The following RAD51AP1 variants were observed in gnomAD, a reference collection of about 807,000 sequenced individuals.
RAD51AP1 encodes the protein RAD51 associated protein 1.
A neutral mutation model predicts 34.3 loss-of-function variants in RAD51AP1; 14 were observed. That is an observed-to-expected ratio of 0.41 (90% CI 0.27 to 0.64). The LOEUF (loss-of-function observed/expected upper bound fraction) is 0.64. Among genes scored for constraint, RAD51AP1 ranks in the 30% least tolerant of loss-of-function variants. The pLI, the probability that RAD51AP1 is intolerant of heterozygous loss-of-function variation, is 0.33. For synonymous variants in RAD51AP1, 114 were observed against 129.8 expected (o/e 0.88, Z 0.83); for missense variants, 348 against 386.9 (o/e 0.90, Z 0.84).
Position 4,548,693 on chromosome 12 carries a change from A to G in RAD51AP1, c.413A>G (p.Asp138Gly). ...TTTTATGCCTCTCCTGAAGATTTGG[A>G]TAAGATTACTGTGGAAGATGATGTT... ...CSVASDYLDL[D>G]KITVEDDVGG... The change falls in exon 6 of 9, where the codon GAT becomes GGT. Residue 138 changes from aspartate to glycine, a missense_variant. Transcript: ENST00000352618. 6.2e-7 allele frequency: 1 copy of G among 1,611,998 alleles called. No homozygotes were observed. The highest frequency in any genetic ancestry group is 8.5e-7 in the Non-Finnish European group (1 of 1,179,430).
Position 4,539,019 on chromosome 12 carries a change from A to C in RAD51AP1, c.17+63A>C, listed in dbSNP as rs374798800. 54 of 1,570,204 alleles carry C rather than the reference A, an allele frequency of 3.4e-5. 1 individual carries two copies. The South Asian group carries it at 6.0e-4, about 17-fold the overall frequency. On this transcript the variant is annotated intron_variant, in intron 1 of 8. Transcript: ENST00000352618. Reference sequence around the variant, plus strand: ...AACTAAGGGAAAAGACATGAGACTAAGGGGAAAGGATCGAGTAAGACCGGA... The same window carrying C: ...AACTAAGGGAAAAGACATGAGACTACGGGGAAAGGATCGAGTAAGACCGGA...
chr12:4,541,790 A>G (rs1356502616), intron 1 of RAD51AP1, 94 bp from the exon 2 acceptor site: 4 of 410,416 alleles, frequency 9.7e-6, no homozygotes, highest in Non-Finnish European at 1.2e-5. Context: ...AATGAATAAT[A>G]TTAAATAAAT....
At position 4,546,308 on chromosome 12, in the gene RAD51AP1, G is replaced by A; in HGVS notation, c.210-1G>A. The A allele has an allele frequency of 6.3e-7, 1 of 1,588,964 alleles. No homozygotes were observed. The highest frequency in any genetic ancestry group is 1.1e-5 in the South Asian group (1 of 88,554). ...CATTATTACTTGTGTATCTATTTTA[G>A]GATGGCTTTAGATGACAAGCTCTAC... On this transcript the variant is annotated splice_acceptor_variant, in intron 3 of 8. Transcript: ENST00000352618. LOFTEE classifies it high-confidence loss of function.
At chr12:4,554,796 T>C (rs1214637504) in intron 7 of RAD51AP1, among the ~76,000 whole-genome samples, 3 of 152,240 alleles carry the variant, frequency 2.0e-5, no homozygotes, top group African/African-American at 2.4e-5. Context: ...CTAGCACATG[T>C]TATAATTTTC....
chr12:4,548,604 G>A (rs1591772621), intron 5 of RAD51AP1, 83 bp from the exon 6 acceptor site: 3 of 1,449,780 alleles, frequency 2.1e-6, no homozygotes, highest in East Asian at 2.3e-5. Context: ...AAAAACAATA[G>A]CTGTAATAGA....
chr12:4,546,931 A>C (rs562475645), intron 4 of RAD51AP1, among the ~76,000 whole-genome samples: 1 of 152,352 alleles, frequency 6.6e-6, no homozygotes, highest in East Asian at 1.9e-4. Flanking sequence ...AGAAATCATT[A>C]TTCCTGAAAA....
intron 2 of RAD51AP1, among the ~76,000 whole-genome samples, chr12:4,542,207 A>ATGTTGT (rs1944472332): frequency 1.3e-5 from 2 of 152,220 alleles, no homozygotes; most frequent in African/African-American, 4.8e-5. Context: ...TTTGTCTCCT[A>ATGTTGT]TTCCATCCCT....
In RAD51AP1 at chr12:4,541,943, G is replaced by T. The variant is rs199522662; in HGVS notation, c.67+10G>T. The T allele has an allele frequency of 2.5e-5, 37 of 1,499,348 alleles. No individual in the cohort carries two copies. The highest frequency in any genetic ancestry group is 1.4e-4 in the Admixed American group (7 of 50,010). The allele number at this position is 1,499,348 out of a possible 1,614,324, so 92.9% of individuals were successfully genotyped here. ...CACTCTGACAGTGATGGTAAGTAAA[G>T]CTTCTTATTTTTGTTCTAAAGATTT... On this transcript the variant is annotated intron_variant, in intron 2 of 8. Coordinates refer to ENST00000352618, the MANE Select transcript of RAD51AP1 (RefSeq NM_006479.5).
intron 4 of RAD51AP1, among the ~76,000 whole-genome samples, chr12:4,546,800 C>A (rs1010872342): frequency 3.3e-5 from 5 of 152,070 alleles, no homozygotes; most frequent in Non-Finnish European, 7.4e-5. Context: ...TTATTACTTA[C>A]AAAGGTCAAA....
At position 4,553,114 on chromosome 12, in the gene RAD51AP1, G is replaced by C; in HGVS notation, c.688G>C (p.Glu230Gln). Residue 230 changes from glutamate (E) to glutamine (Q), a missense_variant, in exon 7 of 9, where the codon GAG becomes CAG. Transcript: ENST00000352618. ...GGTAAAATCCCCAGTAGAAAAGAAA[G>C]AGAAGAAATCTAAATCCAAATGTAA... ...VKVKSPVEKK[E>Q]KKSKSKCNAL... is the part of the protein sequence containing the mutation. 6.3e-7 allele frequency: 1 copy of C among 1,593,842 alleles called. No individual in the cohort carries two copies. Among genetic ancestry groups the C allele is most frequent in the Non-Finnish European group, 8.5e-7 (1 of 1,173,200 alleles).
chr12:4,553,347 T>C (rs927823673), intron 7 of RAD51AP1, 200 bp downstream of exon 7: 3 of 370,748 alleles, frequency 8.1e-6, no homozygotes. Context: ...TAGCACTTAC[T>C]GTATATGACC....
In RAD51AP1 at chr12:4,538,898, C is replaced by G. The variant is rs765065384; in HGVS notation, c.-42C>G. 2 of 1,611,514 alleles carry G rather than the reference C, an allele frequency of 1.2e-6. No homozygotes were observed. Among genetic ancestry groups the G allele is most frequent in the Admixed American group, 3.3e-5 (2 of 59,956 alleles). ...GAATTGAAACCGCCGCTGAAGCCAACAAGAATTTGAGAACTGTAAATACCA... is the reference window on the plus strand; with the variant it reads ...GAATTGAAACCGCCGCTGAAGCCAAGAAGAATTTGAGAACTGTAAATACCA... On this transcript the variant is annotated 5_prime_UTR_variant, in exon 1 of 9. Transcript: ENST00000352618.
intron 5 of RAD51AP1, 102 bp downstream of exon 5, chr12:4,548,280 G>T: frequency 6.9e-7 from 1 of 1,451,302 alleles, no homozygotes; most frequent in Non-Finnish European, 9.3e-7. Context: ...CTTTAAATTT[G>T]TCAAGACTCT....
At chr12:4,547,353 C>G (rs1446898269) in intron 4 of RAD51AP1, among the ~76,000 whole-genome samples, 1 of 152,184 alleles carries the variant, frequency 6.6e-6, no homozygotes, top group Non-Finnish European at 1.5e-5. Context: ...CGAGAGCCAC[C>G]TTATCTGGCT....
At chr12:4,544,528 C>T (rs762542220) in intron 3 of RAD51AP1, among the ~76,000 whole-genome samples, 1 of 152,164 alleles carries the variant, frequency 6.6e-6, no homozygotes, top group South Asian at 2.1e-4. Context: ...CCACAAGTTT[C>T]TCTATGAAAA....
In RAD51AP1 at chr12:4,546,423, CTT is replaced by C. The variant is rs756537444; in HGVS notation, c.319+7_319+8del. ...TGCAGAACTCTCAAGATAAAAGTAA[CTT>C]TATTTTCTGTATATTTAGCTTTAAA... On this transcript the variant is annotated splice_donor_region_variant and intron_variant, in intron 4 of 8. Coordinates refer to ENST00000352618, the MANE Select transcript of RAD51AP1 (RefSeq NM_006479.5). 7.0e-6 allele frequency: 11 copies of C among 1,575,558 alleles called. No individual in the cohort carries two copies. The highest frequency in any genetic ancestry group is 1.7e-5 in the Admixed American group (1 of 58,238).
chr12:4,545,977 G>A, intron 3 of RAD51AP1: 1 of 993,548 alleles, frequency 1.0e-6, no homozygotes, highest in South Asian at 1.7e-5. Flanking sequence ...AAGTGGAAGT[G>A]ATGTTTGAAC....
At chr12:4,553,779 A>G (rs1047932668) in intron 7 of RAD51AP1, among the ~76,000 whole-genome samples, 6 of 152,176 alleles carry the variant, frequency 3.9e-5, no homozygotes, top group Non-Finnish European at 7.3e-5. Flanking sequence ...TTCATAGTAT[A>G]TGATAGGTTA....
In RAD51AP1 at chr12:4,546,297, T is replaced by A. The variant is rs1157982416; in HGVS notation, c.210-12T>A. ...TTTGAAGAACTCATTATTACTTGTG[T>A]ATCTATTTTAGGATGGCTTTAGATG... On this transcript the variant is annotated splice_polypyrimidine_tract_variant and intron_variant, in intron 3 of 8. Transcript: ENST00000352618. 1 of 1,542,262 alleles carries A rather than the reference T, an allele frequency of 6.5e-7. No homozygotes were observed. Among genetic ancestry groups the A allele is most frequent in the Non-Finnish European group, 8.9e-7 (1 of 1,126,642 alleles).
Sources: gnomAD v4.1 joint callset for allele counts (sites outside exome capture counted in the v4.1 genomes callset) on GRCh38, gnomAD v4.1.1 for gene constraint, MANE v1.5 for transcripts, NCBI Gene and HGNC (gene_info 2026-07-23, HGNC 2026-07-21) for gene names.